PPM1L: variants seen among roughly 807,000 people sequenced by gnomAD.
The protein encoded by PPM1L is protein phosphatase 1L.
A neutral mutation model predicts 31.4 loss-of-function variants in PPM1L; 13 were observed. The observed-to-expected ratio is 0.41, with a 90% CI of 0.27 to 0.66. The LOEUF is 0.66. Among genes scored for constraint, PPM1L ranks in the 30% least tolerant of loss-of-function variants. PPM1L has a pLI of 0.29. For synonymous variants in PPM1L, 184 were observed against 175.4 expected (o/e 1.05, Z -0.39); for missense variants, 326 against 453.7 (o/e 0.72, Z 2.56).
intron 1 of PPM1L, among the ~76,000 whole-genome samples, chr3:160,951,003 G>T (rs1715559725): frequency 6.6e-6 from 1 of 152,186 alleles, no homozygotes; most frequent in African/African-American, 2.4e-5. Context: ...ATGAAACATA[G>T]TTCTCTCTGT....
intron 1 of PPM1L, among the ~76,000 whole-genome samples, chr3:160,879,815 G>A (rs949772610): frequency 6.6e-6 from 1 of 152,146 alleles, no homozygotes; most frequent in Non-Finnish European, 1.5e-5. Flanking sequence ...TTTTCAGCTG[G>A]TGCTTATGCT....
At chr3:160,998,746 A>G (rs189209376) in intron 2 of PPM1L, among the ~76,000 whole-genome samples, 1,598 of 152,308 alleles carry the variant, frequency 0.01, 29 homozygotes, top group African/African-American at 0.037. Flanking sequence ...ATTGACCATT[A>G]AGTTATATCA....
intron 1 of PPM1L, among the ~76,000 whole-genome samples, chr3:160,880,675 A>G (rs1315061389): frequency 6.6e-6 from 1 of 152,010 alleles, no homozygotes; most frequent in Non-Finnish European, 1.5e-5. Context: ...TTCTGTTTCT[A>G]TCAAATACCA....
chr3:161,014,116 A>G (rs920852532), intron 2 of PPM1L, among the ~76,000 whole-genome samples: 1 of 152,150 alleles, frequency 6.6e-6, no homozygotes, highest in Non-Finnish European at 1.5e-5. Context: ...TCTTCCTAGC[A>G]TCAATGGTCT....
At chr3:160,959,078 A>T (rs1277335039) in intron 1 of PPM1L, among the ~76,000 whole-genome samples, 2 of 152,248 alleles carry the variant, frequency 1.3e-5, no homozygotes, top group Non-Finnish European at 2.9e-5. Context: ...GTGGATAAAG[A>T]AAATGTGTTG....
chr3:160,936,195 T>A (rs1229164400), intron 1 of PPM1L, among the ~76,000 whole-genome samples: 1 of 152,184 alleles, frequency 6.6e-6, no homozygotes, highest in African/African-American at 2.4e-5. Context: ...GTTCAAGCGA[T>A]TCTCCTGCCT....
intron 1 of PPM1L, among the ~76,000 whole-genome samples, chr3:160,842,918 G>A (rs943164452): frequency 1.3e-5 from 2 of 152,106 alleles, no homozygotes; most frequent in African/African-American, 4.8e-5. Flanking sequence ...AAATGTATAT[G>A]TATTTTTTTC....
intron 1 of PPM1L, among the ~76,000 whole-genome samples, chr3:160,862,800 GA>G (rs990468042): frequency 6.6e-5 from 10 of 151,770 alleles, no homozygotes; most frequent in Admixed American, 1.3e-4. Flanking sequence ...GAGTAGGGGG[GA>G]AAAAAGCTTT....
intron 2 of PPM1L, among the ~76,000 whole-genome samples, chr3:161,024,264 CAAAA>C (rs34662106): frequency 5.4e-5 from 5 of 92,524 alleles, no homozygotes; most frequent in Non-Finnish European, 4.7e-5. Context: ...GACTCCGTCT[CAAAA>C]AAAAAAAAAA....
intron 1 of PPM1L, among the ~76,000 whole-genome samples, chr3:160,885,900 G>A (rs777688204): frequency 6.6e-6 from 1 of 152,196 alleles, no homozygotes; most frequent in East Asian, 1.9e-4. Context: ...GAGCTCCTTG[G>A]GGGAGGGGCA....
intron 2 of PPM1L, among the ~76,000 whole-genome samples, chr3:160,982,277 A>AGATATTT (rs1716826518): frequency 6.6e-6 from 1 of 152,166 alleles, no homozygotes. Flanking sequence ...TAATTCATTA[A>AGATATTT]GATATTTCCT....
intron 1 of PPM1L, among the ~76,000 whole-genome samples, chr3:160,890,062 A>C (rs1356668342): frequency 6.6e-6 from 1 of 152,230 alleles, no homozygotes; most frequent in Non-Finnish European, 1.5e-5. Flanking sequence ...AAAAGTTGGA[A>C]GCATTTCCTT....
At chr3:160,847,762 C>T (rs1714127289) in intron 1 of PPM1L, among the ~76,000 whole-genome samples, 1 of 152,162 alleles carries the variant, frequency 6.6e-6, no homozygotes, top group South Asian at 2.1e-4. Flanking sequence ...TGGTATAAAA[C>T]CACTCACAAT....
rs115886685 is a variant in PPM1L, at chr3:160,812,729, C to A, written c.399+56022C>A. 1.0e-3 allele frequency among the ~76,000 whole-genome samples: 152 copies of A among 152,106 alleles called. 2 individuals carry two copies. The highest frequency in any genetic ancestry group is 3.2e-3 in the African/African-American group (133 of 41,486). ...AAAGGTGGGATTGCTTGGCAAGTAG[C>A]CTTAGAGGAAGTGTTTAGTGTGTGA... is the stretch of plus-strand genomic sequence containing the variant. On this transcript the variant is annotated intron_variant, in intron 1 of 3. Transcript: ENST00000498165.
chr3:160,935,948 C>T (rs1480590384), intron 1 of PPM1L, among the ~76,000 whole-genome samples: 1 of 152,094 alleles, frequency 6.6e-6, no homozygotes, highest in Non-Finnish European at 1.5e-5. Flanking sequence ...TGTGGGCAGG[C>T]CCTGCAGAAG....
intron 1 of PPM1L, among the ~76,000 whole-genome samples, chr3:160,794,045 ATAGAG>A (rs1477105486): frequency 6.8e-6 from 1 of 147,414 alleles, no homozygotes; most frequent in Non-Finnish European, 1.5e-5. Flanking sequence ...CTCTCTGAGA[ATAGAG>A]TACATGACTG....
At chr3:161,028,935 C>T (rs935378897) in intron 2 of PPM1L, among the ~76,000 whole-genome samples, 1 of 152,108 alleles carries the variant, frequency 6.6e-6, no homozygotes, top group Non-Finnish European at 1.5e-5. Flanking sequence ...GGAGGTCATC[C>T]GTACTAATAA....
chr3:160,786,894 T>C (rs2108070700), intron 1 of PPM1L, among the ~76,000 whole-genome samples: 1 of 152,318 alleles, frequency 6.6e-6, no homozygotes, highest in East Asian at 1.9e-4. Flanking sequence ...TAATGGCCTC[T>C]AGCTGGATTC....
intron 1 of PPM1L, among the ~76,000 whole-genome samples, chr3:160,941,661 A>G (rs1715166925): frequency 6.6e-6 from 1 of 152,112 alleles, no homozygotes; most frequent in African/African-American, 2.4e-5. Flanking sequence ...AGTCCAATTA[A>G]GACTCTTTTT....
Sources: gnomAD v4.1 joint callset for allele counts (sites outside exome capture counted in the v4.1 genomes callset) on GRCh38, gnomAD v4.1.1 for gene constraint, MANE v1.5 for transcripts, NCBI Gene and HGNC (gene_info 2026-07-23, HGNC 2026-07-21) for gene names.